ACACA: variants seen among roughly 807,000 people sequenced by gnomAD.
The protein encoded by ACACA is acetyl-CoA carboxylase 1.
ACACA carries 103 observed loss-of-function variants against 296.1 expected under a neutral mutation model. That is an observed-to-expected ratio of 0.35 (90% CI 0.30 to 0.41). ACACA has a LOEUF of 0.41. Ranked by LOEUF, ACACA falls within the 10% of genes least tolerant of loss-of-function variation. The probability of loss-of-function intolerance (pLI) is 1.00; values close to 1 mark genes in which losing one functional copy is unlikely to be tolerated. For missense variants in ACACA, 1,554 were observed against 2,989.7 expected (o/e 0.52, Z 11.20); for synonymous variants, 953 against 1,038.6 (o/e 0.92, Z 1.58).
chr17:37,130,460 T>C (rs1291414594), intron 45 of ACACA, among the ~76,000 whole-genome samples: 4 of 152,164 alleles, frequency 2.6e-5, no homozygotes, highest in Admixed American at 1.3e-4. Flanking sequence ...TTAGGAGATA[T>C]ACCTAATGCT....
At chr17:37,310,533 C>T (rs1191606908) in intron 3 of ACACA, among the ~76,000 whole-genome samples, 1 of 151,960 alleles carries the variant, frequency 6.6e-6, no homozygotes, top group East Asian at 1.9e-4. Flanking sequence ...GTGGCTCACA[C>T]CTGTAATCCC....
In ACACA at chr17:37,275,996, C is replaced by T; in HGVS notation, c.856G>A (p.Val286Met). The change falls in exon 8 of 56, where the codon GTG (valine) becomes ATG (methionine). Residue 286 changes from valine to methionine, a missense_variant. Val to Met is a conservative substitution (Grantham distance 21, BLOSUM62 1). Transcript: ENST00000616317. ...ALGDKIASSIVAQTAGIPTLP... is the reference protein window; with the variant it reads ...ALGDKIASSIMAQTAGIPTLP... Reference sequence around the variant, plus strand: ...GTTGGGATACCTGCAGTTTGAGCCACTATGGAAGATGCAATCTTATCCCCT... The same window carrying T: ...GTTGGGATACCTGCAGTTTGAGCCATTATGGAAGATGCAATCTTATCCCCT... 1 of 1,614,220 alleles carries T rather than the reference C, an allele frequency of 6.2e-7. No homozygotes were observed. The highest frequency in any genetic ancestry group is 2.2e-5 in the East Asian group (1 of 44,888).
rs375044107 is a variant in ACACA, at chr17:37,366,179, C to A, written c.39-26329G>T. Among the ~76,000 whole-genome samples the A allele has an allele frequency of 4.6e-5, 7 of 152,214 alleles. No homozygotes were observed. In the East Asian group the frequency reaches 1.3e-3, roughly 29 times the overall value. On this transcript the variant is annotated intron_variant, in intron 1 of 55. Transcript: ENST00000616317. ...GCTCCTGGTAAGTTGATTTCCTGCC[C>A]CATCCCTACCTTCTCTTTAGACTTC...
chr17:37,334,137 T>C (rs970463872), intron 2 of ACACA, among the ~76,000 whole-genome samples: 6 of 151,896 alleles, frequency 4.0e-5, no homozygotes, highest in African/African-American at 1.5e-4. Flanking sequence ...AAAAAGCTAA[T>C]CCAGGAAACC....
chr17:37,400,477 T>C (rs373367682), intron 1 of ACACA, among the ~76,000 whole-genome samples: 8,411 of 132,940 alleles, frequency 0.063, 280 homozygotes, highest in Middle Eastern at 0.081. Flanking sequence ...CCTGCACTTA[T>C]TCCTGCTGTC....
At chr17:37,379,033 C>A in intron 1 of ACACA, 1 of 1,351,120 alleles carries the variant, frequency 7.4e-7, no homozygotes, top group Non-Finnish European at 9.9e-7. Context: ...GATTGCGACA[C>A]TGCACTCCAG....
At position 37,188,382 on chromosome 17, in the gene ACACA, C is replaced by T. The variant is rs2145035725; in HGVS notation, c.4671G>A (p.Thr1557=). 3.1e-6 allele frequency: 5 copies of T among 1,614,048 alleles called. No homozygotes were observed. Among genetic ancestry groups the T allele is most frequent in the Non-Finnish European group, 3.4e-6 (4 of 1,179,994 alleles). The part of the protein sequence containing the change: ...QAELKINIRL[T]PTGKAIPIRL... Reference sequence around the variant, plus strand: ...GGATGGGAATTGCTTTTCCAGTTGGCGTCAGGCGAATGTTGATTTTCAGTT... The same window carrying T: ...GGATGGGAATTGCTTTTCCAGTTGGTGTCAGGCGAATGTTGATTTTCAGTT... Residue 1557 remains threonine, a synonymous_variant, in exon 39 of 56, where the codon ACG becomes ACA. Coordinates refer to ENST00000616317, the MANE Select transcript of ACACA (RefSeq NM_198834.3).
chr17:37,332,974 G>A (rs1438981238), intron 2 of ACACA, among the ~76,000 whole-genome samples: 1 of 151,622 alleles, frequency 6.6e-6, no homozygotes, highest in Non-Finnish European at 1.5e-5. Context: ...TCCCTTGACT[G>A]ATCCCGACCT....
At chr17:37,206,095 C>A (rs1163278393) in intron 32 of ACACA, among the ~76,000 whole-genome samples, 4 of 152,130 alleles carry the variant, frequency 2.6e-5, no homozygotes, top group Non-Finnish European at 4.4e-5. Flanking sequence ...GCAGCAGAGG[C>A]ATTAGTAACA....
chr17:37,156,198 G>C (rs775427262), intron 42 of ACACA, among the ~76,000 whole-genome samples: 43 of 151,442 alleles, frequency 2.8e-4, no homozygotes, highest in Non-Finnish European at 5.6e-4. Context: ...CAAGTAGCTG[G>C]GACTACAGGC....
chr17:37,116,006 G>A (rs1043399285), intron 50 of ACACA, among the ~76,000 whole-genome samples: 5 of 151,294 alleles, frequency 3.3e-5, no homozygotes, highest in Non-Finnish European at 7.4e-5. Context: ...GGTGGGGAGC[G>A]GGGCGCGCCA....
At chr17:37,270,633 G>T in intron 10 of ACACA, 118 bp downstream of exon 10, 2 of 789,930 alleles carry the variant, frequency 2.5e-6, no homozygotes, top group Admixed American at 2.0e-5. Context: ...AAGACAGTTA[G>T]CTATAGACAA....
At chr17:37,172,657 T>C (rs1286011885) in intron 41 of ACACA, among the ~76,000 whole-genome samples, 9 of 152,288 alleles carry the variant, frequency 5.9e-5, no homozygotes, top group African/African-American at 2.2e-4. Flanking sequence ...GATTCAAAAT[T>C]GATTTTTCAA....
intron 38 of ACACA, 98 bp downstream of exon 38, chr17:37,191,022 C>A (rs1359799774): frequency 5.7e-6 from 8 of 1,412,044 alleles, no homozygotes; most frequent in Non-Finnish European, 7.0e-6. Context: ...ACAGCCTGAA[C>A]AAGGAGTACC....
In ACACA at chr17:37,101,027, C is replaced by G. The variant is rs1190404177; in HGVS notation, c.6566-3043G>C. On this transcript the variant is annotated intron_variant, in intron 52 of 55. Transcript: ENST00000616317. ...CGTGAGAATTGCTTGAACCCGGGAACTGGAGTTTGCAGTGAGTTAAGATGG... is the reference window on the plus strand; with the variant it reads ...CGTGAGAATTGCTTGAACCCGGGAAGTGGAGTTTGCAGTGAGTTAAGATGG... Among the ~76,000 whole-genome samples, 4 of 149,802 alleles carry G rather than the reference C, an allele frequency of 2.7e-5. No individual in the cohort carries two copies. The South Asian group carries it at 6.4e-4, about 24-fold the overall frequency.
At chr17:37,351,236 A>G (rs1162619003) in intron 1 of ACACA, among the ~76,000 whole-genome samples, 2 of 152,196 alleles carry the variant, frequency 1.3e-5, no homozygotes, top group Admixed American at 1.3e-4. Flanking sequence ...CCAAGACCGG[A>G]GGATCACCTG....
intron 45 of ACACA, among the ~76,000 whole-genome samples, chr17:37,131,354 C>T (rs115890817): frequency 0.02 from 3,095 of 152,254 alleles, 103 homozygotes; most frequent in African/African-American, 0.07. Context: ...TTTTCTGACC[C>T]AGCAGATGGA....
At chr17:37,376,096 G>T (rs1189282761) in intron 1 of ACACA, 1 of 1,612,444 alleles carries the variant, frequency 6.2e-7, no homozygotes, top group Admixed American at 1.7e-5. Flanking sequence ...AGCTAACATG[G>T]ATACCATCTT....
chr17:37,399,295 G>C (rs2051202981), intron 1 of ACACA, among the ~76,000 whole-genome samples: 1 of 152,026 alleles, frequency 6.6e-6, no homozygotes, highest in Non-Finnish European at 1.5e-5. Context: ...ATTCTTAAAG[G>C]TGATAAGGAG....
Sources: allele counts gnomAD v4.1 joint callset (sites outside exome capture counted in the v4.1 genomes callset), GRCh38; gene constraint gnomAD v4.1.1; transcripts MANE v1.5; gene names NCBI Gene and HGNC (gene_info 2026-07-23, HGNC 2026-07-21).